KLF11: variants seen among roughly 807,000 people sequenced by gnomAD.
KLF11 encodes Krueppel-like factor 11.
A neutral mutation model predicts 29.9 loss-of-function variants in KLF11; 26 were observed. The ratio of observed to expected loss-of-function variants is 0.87; its 90% CI spans 0.64 to 1.21. The LOEUF (loss-of-function observed/expected upper bound fraction) is 1.21. KLF11 is among the 50% of genes most tolerant of loss of function. The probability of loss-of-function intolerance (pLI) is 0.00; values close to 1 mark genes in which losing one functional copy is unlikely to be tolerated. For synonymous variants in KLF11, 318 were observed against 257.4 expected (o/e 1.24, Z -2.25); for missense variants, 778 against 665.7 (o/e 1.17, Z -1.86).
chr2:10,048,043 C>T lies in KLF11; in HGVS notation c.706C>T (p.His236Tyr), dbSNP rs766448123. The T allele has an allele frequency of 6.2e-6, 10 of 1,614,096 alleles. No individual in the cohort carries two copies. The highest frequency in any genetic ancestry group is 4.0e-5 in the African/African-American group (3 of 74,920). ...CTTGGTGTCCTGTCAGCCCTGCTTG[C>T]ACAAGTCTGGTGGCCTGCTGCTCAC... is the stretch of plus-strand genomic sequence containing the variant. ...TNLVSCQPCL[H>Y]KSGGLLLTDK... Residue 236 changes from histidine to tyrosine, a missense_variant, in exon 3 of 4, where the codon CAC becomes TAC. Coordinates refer to ENST00000305883, the MANE Select transcript of KLF11 (RefSeq NM_003597.5).
chr2:10,054,145 T>C lies in KLF11; in HGVS notation c.*1638T>C, dbSNP rs1243377315. 3 of 152,216 alleles carry C rather than the reference T, an allele frequency of 2.0e-5. No homozygotes were observed. The highest frequency in any genetic ancestry group is 7.2e-5 in the African/African-American group (3 of 41,450). 9.4% of individuals were successfully genotyped at this position (152,216 alleles called of 1,614,324 possible). A position where few individuals can be genotyped will look rare whatever the true frequency, so the allele number is the denominator to read the frequency against. ...AGAGGTTTTCAGTCTGGACACTCCA[T>C]AGGTGAGTGTCGTGTCTTCGTGAGA... is the stretch of plus-strand genomic sequence containing the variant. On this transcript the variant is annotated 3_prime_UTR_variant, in exon 4 of 4. Coordinates refer to ENST00000305883, the MANE Select transcript of KLF11 (RefSeq NM_003597.5).
rs531485030 is a variant in KLF11 at position 10,044,693 on chromosome 2, C to T, written c.42+935C>T. 1.6e-3 allele frequency among the ~76,000 whole-genome samples: 246 copies of T among 150,916 alleles called. 1 individual carries two copies. The highest frequency in any genetic ancestry group is 6.8e-3 in the Middle Eastern group (2 of 292). ...GGGAGTCTCGCTCTATCGCCCAGGC[C>T]GGAGTGCAGTGGGCGCGCGATCTCG... On this transcript the variant is annotated intron_variant, in intron 1 of 3. Transcript: ENST00000305883.
At chr2:10,043,927 G>A in intron 1 of KLF11, 169 bp downstream of exon 1, 1 of 1,007,422 alleles carries the variant, frequency 9.9e-7, no homozygotes, top group Non-Finnish European at 1.2e-6. Flanking sequence ...GCGGGGCGGC[G>A]GCCGCGACGG....
At position 10,052,207 on chromosome 2, in the gene KLF11, T is replaced by C. The variant is rs1298297816; in HGVS notation, c.1259-20T>C. 2.5e-6 allele frequency: 4 copies of C among 1,612,996 alleles called. No individual in the cohort carries two copies. Among genetic ancestry groups the C allele is most frequent in the African/African-American group, 1.3e-5 (1 of 75,008 alleles). ...CTTAGCGTTTCCTTTCTCTTTAATA[T>C]GTATTTTCTCACCTCACAGGGGAGA... On this transcript the variant is annotated intron_variant, in intron 3 of 3. Transcript: ENST00000305883.
rs1235980592 is a variant in KLF11 at position 10,046,242 on chromosome 2, G to A, written c.135G>A (p.Met45Ile). ...GCAGCATCTTGGAGCAGACAGACATGGAAGCTGTCGAGGCTCTTGTTTGTA... is the reference window on the plus strand; with the variant it reads ...GCAGCATCTTGGAGCAGACAGACATAGAAGCTGTCGAGGCTCTTGTTTGTA... ...STCSILEQTD[M>I]EAVEALVCMS... Residue 45 changes from methionine to isoleucine, a missense_variant, in exon 2 of 4, where the codon ATG (methionine) becomes ATA (isoleucine). By Grantham distance (10) the Met-to-Ile change is conservative. Transcript: ENST00000305883. 6.2e-7 allele frequency: 1 copy of A among 1,614,212 alleles called. No homozygotes were observed. Among genetic ancestry groups the A allele is most frequent in the South Asian group, 1.1e-5 (1 of 91,080 alleles).
At chr2:10,044,073 C>T in intron 1 of KLF11, 2 of 709,488 alleles carry the variant, frequency 2.8e-6, no homozygotes, top group Non-Finnish European at 3.5e-6. Flanking sequence ...GTGAGCCGGA[C>T]GGCCGTTGGG....
intron 3 of KLF11, among the ~76,000 whole-genome samples, chr2:10,048,802 G>A (rs1398767585): frequency 3.3e-5 from 5 of 151,948 alleles, no homozygotes; most frequent in African/African-American, 9.7e-5. Context: ...CAGAGCGCTC[G>A]CCCTGGAAGA....
chr2:10,045,773 A>G (rs1417385379), intron 1 of KLF11, among the ~76,000 whole-genome samples: 1 of 152,214 alleles, frequency 6.6e-6, no homozygotes, highest in Non-Finnish European at 1.5e-5. Flanking sequence ...GACCGACTAG[A>G]TGGCCTCAGT....
intron 3 of KLF11, among the ~76,000 whole-genome samples, chr2:10,050,994 C>T (rs184852347): frequency 3.5e-5 from 5 of 144,804 alleles, no homozygotes; most frequent in South Asian, 2.3e-4. Context: ...CTCTGCCTCC[C>T]GGGTTCACGC....
At position 10,048,156 on chromosome 2, in the gene KLF11, C is replaced by T. The variant is rs775487822; in HGVS notation, c.819C>T (p.Thr273=). 33 of 1,614,032 alleles carry T rather than the reference C, an allele frequency of 2.0e-5. No individual in the cohort carries two copies. Among genetic ancestry groups the T allele is most frequent in the East Asian group, 8.9e-5 (4 of 44,904 alleles). Residue 273 remains threonine, a synonymous_variant, in exon 3 of 4, where the codon ACC becomes ACT. Transcript: ENST00000305883. ...AAAATGACCTGCCCAGGAAAACCAC[C>T]CCTCTGATTTCTGTCTCTGTCCCTG... ...NYENDLPRKT[T]PLISVSVPAP...
intron 1 of KLF11, 101 bp from the exon 2 acceptor site, chr2:10,046,049 A>C: frequency 7.5e-7 from 1 of 1,332,612 alleles, no homozygotes; most frequent in Admixed American, 1.7e-5. Context: ...TGTGCATTAC[A>C]TGCCTACTGT....
In KLF11 at chr2:10,053,156, C is replaced by T. The variant is rs900587962; in HGVS notation, c.*649C>T. On this transcript the variant is annotated 3_prime_UTR_variant, in exon 4 of 4. Transcript: ENST00000305883. ...TTCAAGGAAATTCTAGGCAATCATTCCTGTCACCAAAGAACTAAAATTTTG... is the reference window on the plus strand; with the variant it reads ...TTCAAGGAAATTCTAGGCAATCATTTCTGTCACCAAAGAACTAAAATTTTG... 4 of 321,860 alleles carry T rather than the reference C, an allele frequency of 1.2e-5. No homozygotes were observed. Among genetic ancestry groups the T allele is most frequent in the Non-Finnish European group, 1.7e-5 (3 of 178,002 alleles). 19.9% of individuals were successfully genotyped at this position (321,860 alleles called of 1,614,324 possible).
rs1381482862 is a variant in KLF11, at chr2:10,052,688, A to AG, written c.*182dup. Reference sequence around the variant, plus strand: ...TTCTTTTCCACTTGGGACCCTGTTCAGTATCTTTTGTAGTTTCAGAAGTTT... The same window carrying AG: ...TTCTTTTCCACTTGGGACCCTGTTCAGGTATCTTTTGTAGTTTCAGAAGTTT... On this transcript the variant is annotated 3_prime_UTR_variant, in exon 4 of 4. Coordinates refer to ENST00000305883, the MANE Select transcript of KLF11 (RefSeq NM_003597.5). 6 of 592,350 alleles carry AG rather than the reference A, an allele frequency of 1.0e-5. No homozygotes were observed. Among genetic ancestry groups the AG allele is most frequent in the Non-Finnish European group, 1.7e-5 (6 of 344,008 alleles). 36.7% of individuals were successfully genotyped at this position (592,350 alleles called of 1,614,324 possible). A position where few individuals can be genotyped will look rare whatever the true frequency, so the allele number is the denominator to read the frequency against.
At chr2:10,047,584 A>G (rs1661248445) in intron 2 of KLF11, 66 bp from the exon 3 acceptor site, 7 of 1,290,742 alleles carry the variant, frequency 5.4e-6, no homozygotes, top group Non-Finnish European at 6.7e-6. Context: ...TATTGGGAGC[A>G]TTGTGATGAA....
Position 10,047,967 on chromosome 2 carries a change from C to G in KLF11, c.630C>G (p.His210Gln), listed in dbSNP as rs1257709559. Reference protein sequence around the residue: ...SREGEEQLLGHFETLQDTHLT... With the variant: ...SREGEEQLLGQFETLQDTHLT... ...AAGGAGAAGAGCAGCTTCTGGGACA[C>G]TTTGAAACTTTGCAGGACACACACC... Residue 210 changes from histidine to glutamine, a missense_variant, in exon 3 of 4, where the codon CAC (histidine) becomes CAG (glutamine). Physicochemically the swap from His to Gln is conservative, Grantham distance 24. Transcript: ENST00000305883. The G allele has an allele frequency of 2.5e-6, 4 of 1,613,944 alleles. No homozygotes were observed. The African/African-American group carries it at 5.3e-5, about 22-fold the overall frequency.
chr2:10,047,502 C>T (rs112273986), intron 2 of KLF11, 148 bp from the exon 3 acceptor site: 18 of 729,098 alleles, frequency 2.5e-5, no homozygotes, highest in African/African-American at 2.1e-4. Context: ...CAGAGTGCCT[C>T]ATGCAGCCTT....
At position 10,043,847 on chromosome 2, in the gene KLF11, G is replaced by A. The variant is rs1661074356; in HGVS notation, c.42+89G>A. On this transcript the variant is annotated intron_variant, in intron 1 of 3. Transcript: ENST00000305883. ...GTGCGGCACTCGCGCGCCTGTAAAT[G>A]CGGGAGGTGGGGCGTGCAGGGCTTC... is the stretch of plus-strand genomic sequence containing the variant. 9.5e-6 allele frequency: 12 copies of A among 1,259,848 alleles called. No individual in the cohort carries two copies. In the Admixed American group the frequency reaches 2.7e-4, roughly 29 times the overall value. 78.0% of individuals were successfully genotyped at this position (1,259,848 alleles called of 1,614,324 possible). A position where few individuals can be genotyped will look rare whatever the true frequency, so the allele number is the denominator to read the frequency against.
In KLF11 at chr2:10,048,139, C is replaced by A; in HGVS notation, c.802C>A (p.Leu268Met). The change falls in exon 3 of 4, where the codon CTG becomes ATG. Residue 268 changes from leucine (L) to methionine (M), a missense_variant. Transcript: ENST00000305883. ...TCSPKNYEND[L>M]PRKTTPLISV... Reference sequence around the variant, plus strand: ...CTCACCAAAGAATTATGAAAATGACCTGCCCAGGAAAACCACCCCTCTGAT... The same window carrying A: ...CTCACCAAAGAATTATGAAAATGACATGCCCAGGAAAACCACCCCTCTGAT... 1 of 1,614,202 alleles carries A rather than the reference C, an allele frequency of 6.2e-7. No homozygotes were observed. Among genetic ancestry groups the A allele is most frequent in the Non-Finnish European group, 8.5e-7 (1 of 1,180,018 alleles).
Position 10,048,291 on chromosome 2 carries a change from A to C in KLF11, c.954A>C (p.Leu318=). Residue 318 remains leucine (L), a synonymous_variant, in exon 3 of 4, where the codon CTA becomes CTC. Coordinates refer to ENST00000305883, the MANE Select transcript of KLF11 (RefSeq NM_003597.5). ...QLSVGTVRPI[L]AQAAPAPQPV... Reference sequence around the variant, plus strand: ...CTGTGGGGACTGTGAGACCCATCCTAGCTCAGGCTGCTCCAGCGCCTCAAC... The same window carrying C: ...CTGTGGGGACTGTGAGACCCATCCTCGCTCAGGCTGCTCCAGCGCCTCAAC... 2 of 1,602,126 alleles carry C rather than the reference A, an allele frequency of 1.2e-6. No homozygotes were observed. Among genetic ancestry groups the C allele is most frequent in the Non-Finnish European group, 1.7e-6 (2 of 1,172,742 alleles).
Sources: gnomAD v4.1 joint callset for allele counts (sites outside exome capture counted in the v4.1 genomes callset) on GRCh38, gnomAD v4.1.1 for gene constraint, MANE v1.5 for transcripts, NCBI Gene and HGNC (gene_info 2026-07-23, HGNC 2026-07-21) for gene names.